ZNF263: variants seen among roughly 807,000 people sequenced by gnomAD.
The protein encoded by ZNF263 is zinc finger protein FPM315.
ZNF263 carries 49 observed loss-of-function variants against 63.1 expected under a neutral mutation model. The observed-to-expected ratio is 0.78, with a 90% CI of 0.62 to 0.99. The LOEUF (loss-of-function observed/expected upper bound fraction) is 0.99, where lower values mean the gene tolerates loss of function less well. ZNF263 is among the 50% of genes least tolerant of loss of function. The pLI, the probability that ZNF263 is intolerant of heterozygous loss-of-function variation, is 0.00. For missense variants in ZNF263, 872 were observed against 854.8 expected (o/e 1.02, Z -0.25); for synonymous variants, 352 against 324.2 (o/e 1.09, Z -0.92).
At chr16:3,285,797 C>T in intron 3 of ZNF263, 43 bp downstream of exon 3, 1 of 1,605,142 alleles carries the variant, frequency 6.2e-7, no homozygotes, top group Non-Finnish European at 8.5e-7. Context: ...CACCCTTCCT[C>T]CCCTGAGTGT....
At chr16:3,299,127 C>G in exon 2 of ZNF263, 1 of 1,470,732 alleles carries the variant, frequency 6.8e-7, no homozygotes. Flanking sequence ...ATCTCTGAAA[C>G]TCAGGTGTGG....
At chr16:3,288,251 CAAA>C (rs879808251) in intron 4 of ZNF263, among the ~76,000 whole-genome samples, 200 bp from the exon 5 acceptor site, 1 of 98,790 alleles carries the variant, frequency 1.0e-5, no homozygotes, top group Non-Finnish European at 2.1e-5. Context: ...GACTCTGTCT[CAAA>C]AAAAAAAAAA....
rs754146023 is a variant in ZNF263 at position 3,290,468 on chromosome 16, G to C, written c.1962G>C (p.Thr654=). The change falls in exon 6 of 6, where the codon ACG becomes ACC. Residue 654 remains threonine (T), a synonymous_variant. Transcript: ENST00000219069. The part of the protein sequence containing the change: ...SNRIRHLRTH[T]GERPYKCSEC... ...GGATTCGCCACCTGAGAACGCATACGGGAGAGAGACCCTATAAATGTTCTG... is the reference window on the plus strand; with the variant it reads ...GGATTCGCCACCTGAGAACGCATACCGGAGAGAGACCCTATAAATGTTCTG... 2 of 1,613,940 alleles carry C rather than the reference G, an allele frequency of 1.2e-6. No homozygotes were observed. Among genetic ancestry groups the C allele is most frequent in the Admixed American group, 3.3e-5 (2 of 60,008 alleles).
downstream of ZNF263, among the ~76,000 whole-genome samples, chr16:3,292,577 A>G (rs114322658): frequency 2.3e-3 from 357 of 152,314 alleles, 2 homozygotes; most frequent in African/African-American, 8.1e-3. Flanking sequence ...TGTTCCTACA[A>G]AGCACTCTGG....
chr16:3,289,497 A>T lies in ZNF263; in HGVS notation c.991A>T (p.Ser331Cys). Residue 331 changes from serine (S) to cysteine (C), a missense_variant, in exon 6 of 6, where the codon AGT (serine) becomes TGT (cysteine). By Grantham distance (112) the Ser-to-Cys change is moderately radical. Transcript: ENST00000219069. ...CCAGGCCCGAGGGGAGGTGCCCTGG[A>T]GTCCTGAGCTGGGAAGACCTCATGA... Reference protein sequence around the residue: ...PDQARGEVPWSPELGRPHDRS... With the variant: ...PDQARGEVPWCPELGRPHDRS... 2 of 1,561,316 alleles carry T rather than the reference A, an allele frequency of 1.3e-6. No individual in the cohort carries two copies. The highest frequency in any genetic ancestry group is 1.7e-6 in the Non-Finnish European group (2 of 1,154,516).
chr16:3,300,517 T>C, intron 2 of ZNF263: 8 of 1,614,048 alleles, frequency 5.0e-6, no homozygotes, highest in Non-Finnish European at 6.8e-6. Context: ...TCCAAATTCA[T>C]CCATTACACT....
chr16:3,284,472 A>T (rs944944270), intron 1 of ZNF263, among the ~76,000 whole-genome samples: 4 of 152,186 alleles, frequency 2.6e-5, no homozygotes, highest in Admixed American at 6.5e-5. Context: ...CAAATCCTCA[A>T]TCTGCTAGTA....
At position 3,290,017 on chromosome 16, in the gene ZNF263, ACCT is replaced by A; in HGVS notation, c.1515_1517del (p.Leu506del). ...GGGGAGATCTTTGCTCACAGTTCCA[ACCT>A]CCTTCGGCACCAGAGAATTCACACT... is the stretch of plus-strand genomic sequence containing the variant. On this transcript the variant is annotated inframe_deletion, in exon 6 of 6. Transcript: ENST00000219069. The A allele has an allele frequency of 6.2e-7, 1 of 1,614,002 alleles. No individual in the cohort carries two copies. Among genetic ancestry groups the A allele is most frequent in the Non-Finnish European group, 8.5e-7 (1 of 1,180,000 alleles).
downstream of ZNF263, chr16:3,291,462 G>A (rs1002733319): frequency 1.0e-6 from 1 of 985,136 alleles, no homozygotes; most frequent in Non-Finnish European, 1.2e-6. Flanking sequence ...AAACATAAAT[G>A]TCTGTGAGTC....
At chr16:3,298,896 A>G (rs1959846080) in intron 1 of ZNF263, 1 of 568,808 alleles carries the variant, frequency 1.8e-6, no homozygotes, top group Non-Finnish European at 2.8e-6. Context: ...AAATAATGTC[A>G]GTTGCTAAAA....
At chr16:3,300,211 A>T in intron 2 of ZNF263, 1 of 1,614,242 alleles carries the variant, frequency 6.2e-7, no homozygotes, top group South Asian at 1.1e-5. Flanking sequence ...TCGGTTCCCA[A>T]TTGCATGCCG....
Position 3,283,712 on chromosome 16 carries a change from C to A in ZNF263, c.-107C>A. 1 of 1,393,734 alleles carries A rather than the reference C, an allele frequency of 7.2e-7. No individual in the cohort carries two copies. Among genetic ancestry groups the A allele is most frequent in the African/African-American group, 1.5e-5 (1 of 67,886 alleles). The allele number at this position is 1,393,734 out of a possible 1,614,324, so 86.3% of individuals were successfully genotyped here. A position where few individuals can be genotyped will look rare whatever the true frequency, so the allele number is the denominator to read the frequency against. On this transcript the variant is annotated 5_prime_UTR_variant, in exon 1 of 6. Coordinates refer to ENST00000219069, the MANE Select transcript of ZNF263 (RefSeq NM_005741.5). ...GGGCTCCTCGGCCTGGACTGGGAGC[C>A]CCCGGCCCCGGGCTCCTGCTGGCGC...
rs1187853744 is a variant in ZNF263, at chr16:3,285,677, T to G, written c.569-4T>G. Reference sequence around the variant, plus strand: ...ATTCTCATTATAATTTCTGTCACCTTCAGCATTATCTGCTCCCTGGCTTTC... The same window carrying G: ...ATTCTCATTATAATTTCTGTCACCTGCAGCATTATCTGCTCCCTGGCTTTC... On this transcript the variant is annotated splice_region_variant and splice_polypyrimidine_tract_variant and intron_variant, in intron 2 of 5. Coordinates refer to ENST00000219069, the MANE Select transcript of ZNF263 (RefSeq NM_005741.5). 6.2e-7 allele frequency: 1 copy of G among 1,614,040 alleles called. No individual in the cohort carries two copies. Among genetic ancestry groups the G allele is most frequent in the Non-Finnish European group, 8.5e-7 (1 of 1,179,912 alleles).
chr16:3,297,970 C>A (rs987353796), intron 1 of ZNF263, among the ~76,000 whole-genome samples: 1 of 152,124 alleles, frequency 6.6e-6, no homozygotes, highest in African/African-American at 2.4e-5. Context: ...GGGATTGGTG[C>A]ATTGGGAGAA....
Position 3,290,896 on chromosome 16 carries a change from G to A in ZNF263, c.*338G>A. The A allele has an allele frequency of 9.6e-7, 1 of 1,041,956 alleles. No individual in the cohort carries two copies. Among genetic ancestry groups the A allele is most frequent in the Non-Finnish European group, 1.2e-6 (1 of 864,078 alleles). The allele number at this position is 1,041,956 out of a possible 1,614,324, so 64.5% of individuals were successfully genotyped here. The stretch of plus-strand genomic sequence containing the variant: ...GTCCAGTTTACCTTAACAAGTTTGG[G>A]AATCCATGTGATGTTTTTGATACTT... On this transcript the variant is annotated 3_prime_UTR_variant, in exon 6 of 6. Transcript: ENST00000219069.
chr16:3,285,724 C>G lies in ZNF263; in HGVS notation c.612C>G (p.Asn204Lys). Residue 204 changes from asparagine (N) to lysine (K), a missense_variant, in exon 3 of 6, where the codon AAC (asparagine) becomes AAG (lysine). Asn to Lys is a moderately conservative substitution (Grantham distance 94). Coordinates refer to ENST00000219069, the MANE Select transcript of ZNF263 (RefSeq NM_005741.5). ...PWLSLFPPEG[N>K]MEDKEMTGPQ... ...TTTCTCTTTTTCCTCCTGAAGGGAA[C>G]ATGGAAGACAAGGAGATGACTGGGC... 1 of 1,614,160 alleles carries G rather than the reference C, an allele frequency of 6.2e-7. No homozygotes were observed. The highest frequency in any genetic ancestry group is 8.5e-7 in the Non-Finnish European group (1 of 1,180,044).
chr16:3,294,507 T>G (rs2150776295), downstream of ZNF263, among the ~76,000 whole-genome samples: 1 of 152,284 alleles, frequency 6.6e-6, no homozygotes, highest in Admixed American at 6.5e-5. Context: ...TTTGAAATAT[T>G]TTCTTTTACT....
At chr16:3,292,355 A>G (rs559690909), downstream of ZNF263, among the ~76,000 whole-genome samples, 4 of 152,140 alleles carry the variant, frequency 2.6e-5, no homozygotes, top group East Asian at 7.7e-4. Flanking sequence ...TTAATATCTC[A>G]CTATTTCTCA....
intron 1 of ZNF263, 97 bp downstream of exon 1, chr16:3,284,302 A>C: frequency 7.0e-7 from 1 of 1,423,048 alleles, no homozygotes; most frequent in Non-Finnish European, 9.2e-7. Flanking sequence ...TGCCCTGAGT[A>C]GACCTTACGT....
Sources: allele counts gnomAD v4.1 joint callset (sites outside exome capture counted in the v4.1 genomes callset), GRCh38; gene constraint gnomAD v4.1.1; transcripts MANE v1.5; gene names NCBI Gene and HGNC (gene_info 2026-07-23, HGNC 2026-07-21).